The following FAM110B variants were observed in gnomAD, a reference collection of about 807,000 sequenced individuals.
FAM110B encodes the protein protein FAM110B.
In FAM110B, 6 loss-of-function variants were observed where a neutral mutation model predicts 20.4. That is an observed-to-expected ratio of 0.29 (90% CI 0.16 to 0.58). The LOEUF (loss-of-function observed/expected upper bound fraction) is 0.58, where lower values mean the gene tolerates loss of function less well. Among genes scored for constraint, FAM110B ranks in the 20% least tolerant of loss-of-function variants. The pLI is 0.90. For synonymous variants in FAM110B, 226 were observed against 214.1 expected (o/e 1.06, Z -0.49); for missense variants, 434 against 498.2 (o/e 0.87, Z 1.23).
intron 3 of FAM110B, among the ~76,000 whole-genome samples, chr8:58,079,952 C>T (rs1806148509): frequency 6.6e-6 from 1 of 152,306 alleles, no homozygotes; most frequent in East Asian, 1.9e-4. Context: ...GGATGGGCTA[C>T]AGTTATGACC....
At chr8:58,073,365 G>A (rs1377891353) in intron 2 of FAM110B, among the ~76,000 whole-genome samples, 3 of 152,188 alleles carry the variant, frequency 2.0e-5, no homozygotes, top group Non-Finnish European at 4.4e-5. Context: ...TTCAGGAGAA[G>A]AGAGATGGTA....
At chr8:58,102,479 A>T (rs960324328) in intron 3 of FAM110B, among the ~76,000 whole-genome samples, 2 of 152,230 alleles carry the variant, frequency 1.3e-5, no homozygotes, top group African/African-American at 2.4e-5. Context: ...AGAGATTAAT[A>T]ATTATTTTTA....
intron 1 of FAM110B, among the ~76,000 whole-genome samples, chr8:58,024,401 A>C (rs1804814788): frequency 6.6e-6 from 1 of 152,164 alleles, no homozygotes; most frequent in Admixed American, 6.5e-5. Flanking sequence ...AAATTTTCCA[A>C]TTGTTGGGAA....
At chr8:58,118,532 G>A (rs1475030898) in intron 3 of FAM110B, among the ~76,000 whole-genome samples, 1 of 152,164 alleles carries the variant, frequency 6.6e-6, no homozygotes, top group Admixed American at 6.5e-5. Context: ...AGGCTTAATT[G>A]CAGATGCTTA....
intron 3 of FAM110B, among the ~76,000 whole-genome samples, chr8:58,086,628 T>C (rs1806343384): frequency 6.6e-6 from 1 of 152,210 alleles, no homozygotes; most frequent in African/African-American, 2.4e-5. Flanking sequence ...TGTGCACTTC[T>C]TAGGACATTC....
intron 2 of FAM110B, among the ~76,000 whole-genome samples, chr8:58,067,964 A>G (rs1330441217): frequency 1.3e-5 from 2 of 152,268 alleles, no homozygotes; most frequent in Non-Finnish European, 2.9e-5. Context: ...GATAAGACCC[A>G]AGAAAGGACA....
intron 2 of FAM110B, among the ~76,000 whole-genome samples, chr8:58,063,835 A>C (rs1805706235): frequency 6.6e-6 from 1 of 152,170 alleles, no homozygotes; most frequent in Non-Finnish European, 1.5e-5. Flanking sequence ...TAAGATTGTT[A>C]ATTTGTTTTT....
intron 3 of FAM110B, among the ~76,000 whole-genome samples, chr8:58,119,137 G>A (rs753769036): frequency 5.3e-5 from 8 of 152,220 alleles, no homozygotes; most frequent in South Asian, 2.1e-4. Context: ...AAGAAAGTTC[G>A]TGTGCATGCC....
chr8:58,076,345 C>T (rs28711000), intron 3 of FAM110B, among the ~76,000 whole-genome samples: 7,720 of 152,216 alleles, frequency 0.051, 651 homozygotes, highest in African/African-American at 0.17. Flanking sequence ...CCGCAGAGAT[C>T]TTTGCAGGCT....
chr8:58,036,150 C>T (rs1489695874), intron 2 of FAM110B, among the ~76,000 whole-genome samples: 1 of 152,192 alleles, frequency 6.6e-6, no homozygotes, highest in African/African-American at 2.4e-5. Flanking sequence ...TGCCACGTCT[C>T]TCATGCTGAC....
intron 1 of FAM110B, among the ~76,000 whole-genome samples, chr8:58,021,051 T>G (rs1214323895): frequency 6.6e-6 from 1 of 152,242 alleles, no homozygotes; most frequent in Non-Finnish European, 1.5e-5. Flanking sequence ...TAAAATTTTT[T>G]GTTGCCATCG....
rs1405390365 is a variant in FAM110B at position 58,146,707 on chromosome 8, C to T, written c.477C>T (p.Phe159=). Residue 159 remains phenylalanine (F), a synonymous_variant, in exon 4 of 4, where the codon TTC becomes TTT. Coordinates refer to ENST00000519262, the MANE Select transcript of FAM110B (RefSeq NM_001377989.1). ...CCACTGACCTGCACCGTCACTCCTT[C>T]GCGGAGTCCCTGAAGGTCTACCCCA... ...SEATDLHRHS[F]AESLKVYPTQ... 1.9e-6 allele frequency: 3 copies of T among 1,612,248 alleles called. No individual in the cohort carries two copies. The highest frequency in any genetic ancestry group is 1.1e-5 in the South Asian group (1 of 90,868).
intron 1 of FAM110B, among the ~76,000 whole-genome samples, chr8:58,017,231 G>C (rs58101377): frequency 1.3e-5 from 2 of 152,148 alleles, no homozygotes. Flanking sequence ...GCATTATGCC[G>C]CTTCATTGAA....
At chr8:58,084,116 TC>T (rs945951908) in intron 3 of FAM110B, among the ~76,000 whole-genome samples, 1 of 152,188 alleles carries the variant, frequency 6.6e-6, no homozygotes, top group Non-Finnish European at 1.5e-5. Flanking sequence ...AGGCTGTCTT[TC>T]CTGAGGTCAG....
intron 2 of FAM110B, among the ~76,000 whole-genome samples, chr8:58,059,214 A>G (rs554298184): frequency 4.6e-5 from 7 of 152,302 alleles, no homozygotes; most frequent in East Asian, 3.9e-4. Context: ...ATTGTTTCCA[A>G]TTGTACAGTT....
chr8:58,103,977 G>T (rs1806849351), intron 3 of FAM110B, among the ~76,000 whole-genome samples: 1 of 152,072 alleles, frequency 6.6e-6, no homozygotes, highest in Non-Finnish European at 1.5e-5. Flanking sequence ...TTGAGAGCAG[G>T]GCTTACCTAT....
At chr8:58,052,157 A>T (rs59166085) in intron 2 of FAM110B, among the ~76,000 whole-genome samples, 8,416 of 152,300 alleles carry the variant, frequency 0.055, 309 homozygotes, top group South Asian at 0.11. Context: ...AACACGTAAA[A>T]TGCTGGCTTT....
intron 1 of FAM110B, among the ~76,000 whole-genome samples, chr8:58,007,320 T>C (rs550404220): frequency 6.6e-6 from 1 of 152,338 alleles, no homozygotes; most frequent in East Asian, 1.9e-4. Context: ...TTGTTGAAAT[T>C]GTCCATGCAC....
At chr8:58,006,925 T>TATATATATATATATATATATATATA (rs1563494782) in intron 1 of FAM110B, among the ~76,000 whole-genome samples, 4 of 55,876 alleles carry the variant, frequency 7.2e-5, no homozygotes, top group African/African-American at 2.3e-4. Context: ...ATATATATAT[T>TATATATATATATATATATATATATA]TTTCCAAAAC....
Sources: allele counts gnomAD v4.1 joint callset (sites outside exome capture counted in the v4.1 genomes callset), GRCh38; gene constraint gnomAD v4.1.1; transcripts MANE v1.5; gene names NCBI Gene and HGNC (gene_info 2026-07-23, HGNC 2026-07-21).